DLG2: variants seen among roughly 807,000 people sequenced by gnomAD.
The protein encoded by DLG2 is disks large homolog 2.
In DLG2, 45 loss-of-function variants were observed where a neutral mutation model predicts 132.5. That is an observed-to-expected ratio of 0.34 (90% CI 0.27 to 0.44). The LOEUF (loss-of-function observed/expected upper bound fraction) is 0.44. Ranked by LOEUF, DLG2 falls within the 20% of genes least tolerant of loss-of-function variation. The pLI is 1.00. For synonymous variants in DLG2, 424 were observed against 419.6 expected (o/e 1.01, Z -0.13); for missense variants, 1,045 against 1,196.9 (o/e 0.87, Z 1.87).
At chr11:84,374,590 C>T (rs1473424640) in intron 7 of DLG2, among the ~76,000 whole-genome samples, 1 of 152,092 alleles carries the variant, frequency 6.6e-6, no homozygotes, top group Non-Finnish European at 1.5e-5. Flanking sequence ...AAAGATTGGA[C>T]ACCCTTGTTC....
intron 18 of DLG2, among the ~76,000 whole-genome samples, chr11:83,668,498 C>G (rs2076126245): frequency 6.6e-6 from 1 of 152,088 alleles, no homozygotes; most frequent in Admixed American, 6.5e-5. Context: ...CTTAGCCCTA[C>G]TAAGTAGAGG....
chr11:83,848,780 T>C (rs2154026789), intron 16 of DLG2, among the ~76,000 whole-genome samples: 1 of 152,366 alleles, frequency 6.6e-6, no homozygotes, highest in East Asian at 1.9e-4. Context: ...CTATCAATTA[T>C]GCATAAATTC....
chr11:84,050,823 G>T (rs1481679176), intron 11 of DLG2, among the ~76,000 whole-genome samples: 2 of 151,880 alleles, frequency 1.3e-5, no homozygotes, highest in Non-Finnish European at 2.9e-5. Flanking sequence ...AGATCAGATG[G>T]TTGTAGATAT....
At chr11:85,581,302 A>T (rs2078500888) in intron 3 of DLG2, among the ~76,000 whole-genome samples, 1 of 151,900 alleles carries the variant, frequency 6.6e-6, no homozygotes, top group South Asian at 2.1e-4. Flanking sequence ...TAGATCTTTC[A>T]CTTAAATCTC....
intron 4 of DLG2, 102 bp downstream of exon 4, chr11:85,285,118 G>A (rs2078475263): frequency 9.8e-7 from 1 of 1,021,684 alleles, no homozygotes; most frequent in Non-Finnish European, 1.4e-6. Context: ...TTCTATTATT[G>A]TTGTTGCCAT....
At chr11:83,567,725 A>G (rs1268240294) in intron 19 of DLG2, among the ~76,000 whole-genome samples, 1 of 152,210 alleles carries the variant, frequency 6.6e-6, no homozygotes, top group Non-Finnish European at 1.5e-5. Context: ...GTAGGCTGTC[A>G]TAAGTATAGT....
At chr11:84,729,366 G>C (rs2062875091) in intron 6 of DLG2, among the ~76,000 whole-genome samples, 1 of 152,078 alleles carries the variant, frequency 6.6e-6, no homozygotes, top group Admixed American at 6.6e-5. Flanking sequence ...CAGGTTTTCA[G>C]TTTCCATGTA....
chr11:85,218,686 AC>A, intron 4 of DLG2, among the ~76,000 whole-genome samples: 1 of 152,324 alleles, frequency 6.6e-6, no homozygotes, highest in South Asian at 2.1e-4. Context: ...AAACAGAGCT[AC>A]CATTTGGCCT....
chr11:84,390,914 G>T (rs986892174), intron 7 of DLG2, among the ~76,000 whole-genome samples: 1 of 152,130 alleles, frequency 6.6e-6, no homozygotes, highest in Non-Finnish European at 1.5e-5. Context: ...GATACCATCT[G>T]AAAGGTGATT....
intron 18 of DLG2, among the ~76,000 whole-genome samples, chr11:83,684,721 T>C (rs183302251): frequency 1.1e-4 from 17 of 152,250 alleles, no homozygotes; most frequent in Non-Finnish European, 2.2e-4. Context: ...GGTCTCGAAG[T>C]CTTCTCAGTG....
At chr11:83,473,821 C>T (rs1160522871) in intron 22 of DLG2, among the ~76,000 whole-genome samples, 1 of 152,068 alleles carries the variant, frequency 6.6e-6, no homozygotes, top group Non-Finnish European at 1.5e-5. Context: ...ACAGCCACAG[C>T]ACCACAGAAA....
intron 6 of DLG2, among the ~76,000 whole-genome samples, chr11:85,101,378 C>G (rs1173525410): frequency 1.3e-5 from 2 of 152,036 alleles, no homozygotes; most frequent in African/African-American, 4.8e-5. Context: ...ACAGTAAAAT[C>G]ATAGAATAAG....
intron 12 of DLG2, among the ~76,000 whole-genome samples, chr11:83,973,258 A>T (rs1253344566): frequency 6.6e-6 from 1 of 152,160 alleles, no homozygotes; most frequent in Non-Finnish European, 1.5e-5. Context: ...AGATAATTTT[A>T]AAATGACAGC....
chr11:84,796,829 T>C (rs2074684198), intron 6 of DLG2, among the ~76,000 whole-genome samples: 1 of 150,534 alleles, frequency 6.6e-6, no homozygotes, highest in Admixed American at 6.6e-5. Context: ...ATTTTTTATT[T>C]TTTATTATAT....
intron 19 of DLG2, among the ~76,000 whole-genome samples, chr11:83,601,874 G>C (rs2058629365): frequency 6.6e-6 from 1 of 152,134 alleles, no homozygotes; most frequent in East Asian, 1.9e-4. Flanking sequence ...ACAGATCTTT[G>C]CTTCTGGTTC....
chr11:83,800,882 C>G (rs2044188611), intron 17 of DLG2, among the ~76,000 whole-genome samples: 1 of 151,964 alleles, frequency 6.6e-6, no homozygotes, highest in South Asian at 2.1e-4. Context: ...TAGTTGAAAC[C>G]TTATACAAAT....
At chr11:83,978,230 T>TA (rs2092453076) in intron 12 of DLG2, among the ~76,000 whole-genome samples, 1 of 151,350 alleles carries the variant, frequency 6.6e-6, no homozygotes, top group Non-Finnish European at 1.5e-5. Flanking sequence ...CTTCAAGAAA[T>TA]AAGCACATAG....
chr11:83,589,085 A>T (rs2097142719), intron 19 of DLG2, among the ~76,000 whole-genome samples: 1 of 148,794 alleles, frequency 6.7e-6, no homozygotes, highest in Non-Finnish European at 1.5e-5. Flanking sequence ...TATCCAGGAG[A>T]ACTTCCCCAA....
chr11:85,161,538 G>A (rs1594952398), intron 4 of DLG2, among the ~76,000 whole-genome samples: 1 of 152,210 alleles, frequency 6.6e-6, no homozygotes, highest in African/African-American at 2.4e-5. Flanking sequence ...CAGTTACTCC[G>A]GATATGGGTT....
Sources: gnomAD v4.1 joint callset for allele counts (sites outside exome capture counted in the v4.1 genomes callset) on GRCh38, gnomAD v4.1.1 for gene constraint, MANE v1.5 for transcripts, NCBI Gene and HGNC (gene_info 2026-07-23, HGNC 2026-07-21) for gene names.